The following SYTL2 variants were observed in gnomAD, a reference collection of about 807,000 sequenced individuals.
SYTL2 encodes the protein synaptotagmin like 2.
In SYTL2, 165 loss-of-function variants were observed where a neutral mutation model predicts 198.7. The ratio of observed to expected loss-of-function variants is 0.83; its 90% confidence interval spans 0.73 to 0.94. The LOEUF (loss-of-function observed/expected upper bound fraction) is 0.94. SYTL2 is among the 40% of genes least tolerant of loss of function. The probability of loss-of-function intolerance (pLI) is 0.00; values close to 1 mark genes in which losing one functional copy is unlikely to be tolerated. For missense variants in SYTL2, 2,835 were observed against 2,582.8 expected (o/e 1.10, Z -2.12); for synonymous variants, 966 against 917.7 (o/e 1.05, Z -0.95).
intron 1 of SYTL2, among the ~76,000 whole-genome samples, chr11:85,789,356 A>ATATATATATATG (rs2092692043): frequency 1.7e-5 from 1 of 58,030 alleles, no homozygotes; most frequent in Non-Finnish European, 3.4e-5. Context: ...ATATATATAT[A>ATATATATATATG]TATATATATA....
rs1197753694 is a variant in SYTL2 at position 85,727,587 on chromosome 11, G to A, written c.1771C>T (p.Pro591Ser). The A allele has an allele frequency of 6.5e-7, 1 of 1,536,050 alleles. No individual in the cohort carries two copies. The highest frequency in any genetic ancestry group is 1.4e-5 in the African/African-American group (1 of 73,114). ...IELKPVRSDS[P>S]FQAEGDMLVS... ...AGCATATCTCCCTCTGCTTGGAATG[G>A]TGAGTCAGATCTCACAGGCTTCAAT... is the stretch of plus-strand genomic sequence containing the variant. The change falls in exon 8 of 20, where the codon CCA becomes TCA. Residue 591 changes from proline to serine, a missense_variant. Coordinates refer to ENST00000359152, the MANE Select transcript of SYTL2 (RefSeq NM_206927.4).
At chr11:85,828,419 C>T in the SYTL2 span, among the ~76,000 whole-genome samples, 4 of 152,186 alleles carry the variant, frequency 2.6e-5, no homozygotes, top group South Asian at 2.1e-4. Context: ...ATGATTCAAC[C>T]GGTTAACTCA....
chr11:85,824,306 TG>T, the SYTL2 span, among the ~76,000 whole-genome samples: 1 of 152,012 alleles, frequency 6.6e-6, no homozygotes, highest in Admixed American at 6.6e-5. Flanking sequence ...TTGTGCAGGA[TG>T]GGTATTACTG....
intron 7 of SYTL2, among the ~76,000 whole-genome samples, chr11:85,733,273 T>A (rs995776113): frequency 6.6e-6 from 1 of 152,248 alleles, no homozygotes; most frequent in Non-Finnish European, 1.5e-5. Context: ...ATAATACATT[T>A]ACCCTGTACA....
intron 1 of SYTL2, among the ~76,000 whole-genome samples, chr11:85,794,822 A>C (rs2092779536): frequency 6.6e-6 from 1 of 152,240 alleles, no homozygotes; most frequent in Admixed American, 6.5e-5. Context: ...AAAGAAAAGC[A>C]GAATTTCCAG....
chr11:85,803,231 T>G (rs1234397345), intron 1 of SYTL2, among the ~76,000 whole-genome samples: 1 of 152,244 alleles, frequency 6.6e-6, no homozygotes, highest in Non-Finnish European at 1.5e-5. Context: ...ATCTAAGTGG[T>G]CCTGCTAGGA....
At chr11:85,695,739 T>C (rs1027453607) in intron 19 of SYTL2, among the ~76,000 whole-genome samples, 4 of 152,206 alleles carry the variant, frequency 2.6e-5, no homozygotes, top group African/African-American at 9.7e-5. Flanking sequence ...TTACTTACTT[T>C]CTTGGACTAT....
intron 14 of SYTL2, chr11:85,708,159 A>G (rs1340988784): frequency 1.2e-5 from 5 of 433,916 alleles, no homozygotes; most frequent in Non-Finnish European, 2.3e-5. Context: ...ACCTCAAAAA[A>G]AAAAAAGAAA....
At chr11:85,698,463 G>A (rs1483380279) in intron 17 of SYTL2, among the ~76,000 whole-genome samples, 2 of 152,142 alleles carry the variant, frequency 1.3e-5, no homozygotes, top group African/African-American at 2.4e-5. Flanking sequence ...GGTGCTAGTG[G>A]AAGACATTTA....
intron 1 of SYTL2, among the ~76,000 whole-genome samples, chr11:85,759,635 T>C (rs2092034463): frequency 6.6e-6 from 1 of 152,238 alleles, no homozygotes; most frequent in African/African-American, 2.4e-5. Flanking sequence ...TCTTTTGTAT[T>C]ATGTCTCTTT....
chr11:85,839,342 G>C, the SYTL2 span, among the ~76,000 whole-genome samples: 38,579 of 152,012 alleles, frequency 0.25, 5,074 homozygotes, highest in South Asian at 0.3. Flanking sequence ...TCACCCTTTC[G>C]TAACAGATCT....
At chr11:85,711,034 T>C (rs951600314) in intron 13 of SYTL2, 79 bp downstream of exon 13, 2 of 1,483,618 alleles carry the variant, frequency 1.3e-6, no homozygotes, top group African/African-American at 2.8e-5. Flanking sequence ...GAGGAGGCTG[T>C]TTTACAATGA....
upstream of SYTL2, among the ~76,000 whole-genome samples, chr11:85,815,323 A>G (rs964982141): frequency 6.6e-6 from 1 of 152,250 alleles, no homozygotes; most frequent in African/African-American, 2.4e-5. Context: ...TATATCTGGC[A>G]TGGTAATGTG....
At chr11:85,714,628 A>C (rs764097711) in intron 11 of SYTL2, 121 bp from the exon 12 acceptor site, 15 of 1,448,716 alleles carry the variant, frequency 1.0e-5, no homozygotes, top group Non-Finnish European at 1.3e-5. Context: ...AAAAAGTTAA[A>C]GGCAGAGTAG....
intron 1 of SYTL2, among the ~76,000 whole-genome samples, chr11:85,808,016 T>C (rs1410794014): frequency 6.6e-6 from 1 of 152,192 alleles, no homozygotes; most frequent in East Asian, 1.9e-4. Context: ...TGGAACGCTA[T>C]ATCCCAAGTT....
At chr11:85,737,324 C>T (rs1199905583) in intron 5 of SYTL2, among the ~76,000 whole-genome samples, 1 of 152,172 alleles carries the variant, frequency 6.6e-6, no homozygotes, top group Non-Finnish European at 1.5e-5. Flanking sequence ...CACCAAATAG[C>T]TTCAGACTTT....
chr11:85,695,064 T>C lies in SYTL2; in HGVS notation c.*131A>G, dbSNP rs1241737111. On this transcript the variant is annotated 3_prime_UTR_variant, in exon 20 of 20. Transcript: ENST00000359152. Reference sequence around the variant, plus strand: ...TCAAAGAAGCACATGCAGATTGACTTTTACATGCTGTGTAGTATTCCTTAG... The same window carrying C: ...TCAAAGAAGCACATGCAGATTGACTCTTACATGCTGTGTAGTATTCCTTAG... 1.1e-6 allele frequency: 1 copy of C among 876,376 alleles called. No homozygotes were observed. The highest frequency in any genetic ancestry group is 2.7e-5 in the East Asian group (1 of 37,490). The allele number at this position is 876,376 out of a possible 1,614,324, so 54.3% of individuals were successfully genotyped here. A position where few individuals can be genotyped will look rare whatever the true frequency, so the allele number is the denominator to read the frequency against.
At chr11:85,774,905 CTG>C (rs2092424869) in intron 1 of SYTL2, among the ~76,000 whole-genome samples, 1 of 152,106 alleles carries the variant, frequency 6.6e-6, no homozygotes, top group African/African-American at 2.4e-5. Context: ...CTACTGAAAA[CTG>C]AAACTCTTTG....
intron 17 of SYTL2, among the ~76,000 whole-genome samples, 200 bp downstream of exon 17, chr11:85,700,315 T>C (rs537352242): frequency 9.8e-6 from 1 of 102,272 alleles, no homozygotes; most frequent in South Asian, 2.9e-4. Flanking sequence ...GTAGATTTTA[T>C]GTTTTCTTTT....
Sources: allele counts gnomAD v4.1 joint callset (sites outside exome capture counted in the v4.1 genomes callset), GRCh38; gene constraint gnomAD v4.1.1; transcripts MANE v1.5; gene names NCBI Gene and HGNC (gene_info 2026-07-23, HGNC 2026-07-21).